TMEM259: variants seen among roughly 807,000 people sequenced by gnomAD.
The protein encoded by TMEM259 is transmembrane protein 259, also known as membralin.
TMEM259 carries 26 observed loss-of-function variants against 46.7 expected under a neutral mutation model. The ratio of observed to expected loss-of-function variants is 0.56; its 90% confidence interval spans 0.41 to 0.77. The LOEUF is 0.77. Among genes scored for constraint, TMEM259 ranks in the 30% least tolerant of loss-of-function variants. The pLI is 0.00. For missense variants in TMEM259, 930 were observed against 900.5 expected (o/e 1.03, Z -0.42); for synonymous variants, 494 against 395.1 (o/e 1.25, Z -2.97).
Position 1,010,857 on chromosome 19 carries a change from A to T in TMEM259, c.1356T>A (p.Pro452=). ...MIYFFHHYEL[P]AILQQVRIQE... ...GGATGCGGACCTGCTGCAGGATGGC[A>T]GGCAGCTCGTAGTGGTGGAAGAAGT... The change falls in exon 11 of 11, where the codon CCT becomes CCA. Residue 452 remains proline (P), a synonymous_variant. Transcript: ENST00000356663. 6.3e-7 allele frequency: 1 copy of T among 1,578,894 alleles called. No individual in the cohort carries two copies.
rs942215502 is a variant in TMEM259, at chr19:1,011,392, T to C, written c.1192A>G (p.Ser398Gly). 1.1e-5 allele frequency: 18 copies of C among 1,568,994 alleles called. No individual in the cohort carries two copies. The highest frequency in any genetic ancestry group is 2.3e-5 in the South Asian group (2 of 85,822). ...DQYDAICCHT[S>G]TSKRHWLRFF... is the part of the protein sequence containing the mutation. ...CGCAGCCAATGCCGCTTGCTGGTGCTGGTGTGGCAGCAGATGGCGTCATAC... is the reference window on the plus strand; with the variant it reads ...CGCAGCCAATGCCGCTTGCTGGTGCCGGTGTGGCAGCAGATGGCGTCATAC... The change falls in exon 9 of 11, where the codon AGC becomes GGC. Residue 398 changes from serine (S) to glycine (G), a missense_variant. Ser to Gly is a moderately conservative substitution (Grantham distance 56). Coordinates refer to ENST00000356663, the MANE Select transcript of TMEM259 (RefSeq NM_001033026.2).
At position 1,010,732 on chromosome 19, in the gene TMEM259, T is replaced by G; in HGVS notation, c.1481A>C (p.Asp494Ala). ...NNSGAPATAP[D>A]SAGQPPALGP... ...CAGGGCGGGGGGCTGGCCGGCAGAG[T>G]CAGGGGCTGTAGCCGGGGCGCCCGA... Residue 494 changes from aspartate to alanine, a missense_variant, in exon 11 of 11, where the codon GAC (aspartate) becomes GCC (alanine). Coordinates refer to ENST00000356663, the MANE Select transcript of TMEM259 (RefSeq NM_001033026.2). 6.5e-7 allele frequency: 1 copy of G among 1,531,072 alleles called. No individual in the cohort carries two copies. The highest frequency in any genetic ancestry group is 1.2e-5 in the South Asian group (1 of 83,858). 94.8% of individuals were successfully genotyped at this position (1,531,072 alleles called of 1,614,324 possible).
At chr19:1,014,135 C>T (rs1370377737) in intron 2 of TMEM259, 57 bp downstream of exon 2, 15 of 1,558,810 alleles carry the variant, frequency 9.6e-6, no homozygotes, top group East Asian at 4.5e-5. Context: ...GCCCCTTCAG[C>T]GACCAGCATC....
rs765547161 is a variant in TMEM259, at chr19:1,014,497, G to T, written c.226-24C>A. 9 of 1,596,488 alleles carry T rather than the reference G, an allele frequency of 5.6e-6. No homozygotes were observed. The African/African-American group carries it at 1.2e-4, about 21-fold the overall frequency. ...GCCTAGGGGGCGGCCGGCAGTCAGT[G>T]GGGCGCCCCAGGGCCAGCTGCAGCC... On this transcript the variant is annotated intron_variant, in intron 1 of 10. Transcript: ENST00000356663.
At position 1,011,099 on chromosome 19, in the gene TMEM259, G is replaced by T; in HGVS notation, c.1314C>A (p.Ile438=). Residue 438 remains isoleucine (I), a synonymous_variant, in exon 10 of 11, where the codon ATC becomes ATA. Transcript: ENST00000356663. ...CTGCTTGCCGCCCAGGCCTCACCTG[G>T]ATGAAGAGCCAGGAGGTGACCAGGG... ...SLALVTSWLF[I]QHSMIYFFHH... 6.3e-7 allele frequency: 1 copy of T among 1,589,432 alleles called. No homozygotes were observed. The highest frequency in any genetic ancestry group is 8.6e-7 in the Non-Finnish European group (1 of 1,168,030).
Position 1,013,339 on chromosome 19 carries a change from A to G in TMEM259, c.509T>C (p.Phe170Ser). 6.2e-7 allele frequency: 1 copy of G among 1,613,240 alleles called. No homozygotes were observed. Among genetic ancestry groups the G allele is most frequent in the Non-Finnish European group, 8.5e-7 (1 of 1,179,528 alleles). Reference protein sequence around the residue: ...MEMFGNSSIKFELDIEPKVFK... With the variant: ...MEMFGNSSIKSELDIEPKVFK... ...CACCTTGGGCTCGATGTCCAGCTCAAACTGTGGGCGACCAGGGACCTGGGT... is the reference window on the plus strand; with the variant it reads ...CACCTTGGGCTCGATGTCCAGCTCAGACTGTGGGCGACCAGGGACCTGGGT... Residue 170 changes from phenylalanine (F) to serine (S), a missense_variant and splice_region_variant, in exon 3 of 11, where the codon TTT becomes TCT. Coordinates refer to ENST00000356663, the MANE Select transcript of TMEM259 (RefSeq NM_001033026.2).
chr19:1,010,990 C>T, intron 10 of TMEM259, 95 bp from the exon 11 acceptor site: 1 of 1,546,106 alleles, frequency 6.5e-7, no homozygotes, highest in South Asian at 1.2e-5. Context: ...ATCCACGCTA[C>T]CTCTGCCCGC....
Position 1,009,952 on chromosome 19 carries a change from G to T in TMEM259, c.*398C>A, listed in dbSNP as rs1180537580. 2 of 321,222 alleles carry T rather than the reference G, an allele frequency of 6.2e-6. No individual in the cohort carries two copies. The highest frequency in any genetic ancestry group is 1.1e-5 in the Non-Finnish European group (2 of 175,942). The allele number at this position is 321,222 out of a possible 1,614,324, so 19.9% of individuals were successfully genotyped here. The stretch of plus-strand genomic sequence containing the variant: ...CTGCAGGGAGCACCAGGCAGAGCCG[G>T]GCTGAGGCCGGCCGGCACTAGGGCG... On this transcript the variant is annotated 3_prime_UTR_variant, in exon 11 of 11. Coordinates refer to ENST00000356663, the MANE Select transcript of TMEM259 (RefSeq NM_001033026.2).
chr19:1,011,724 G>A lies in TMEM259; in HGVS notation c.1000+17C>T, dbSNP rs778046371. The stretch of plus-strand genomic sequence containing the variant: ...CTGGAGGACGCCCGCCCCGCCCTGC[G>A]CCGGCGGGACACTCACCGATGAAGA... On this transcript the variant is annotated intron_variant, in intron 7 of 10. Transcript: ENST00000356663. 25 of 1,537,492 alleles carry A rather than the reference G, an allele frequency of 1.6e-5. No homozygotes were observed. The highest frequency in any genetic ancestry group is 1.5e-4 in the East Asian group (6 of 40,660).
In TMEM259 at chr19:1,011,917, G is replaced by C. The variant is rs762266839; in HGVS notation, c.917C>G (p.Ala306Gly). The C allele has an allele frequency of 6.2e-7, 1 of 1,610,742 alleles. No homozygotes were observed. Among genetic ancestry groups the C allele is most frequent in the Non-Finnish European group, 8.5e-7 (1 of 1,178,608 alleles). ...SMWMARTSYL[A>G]AFAIMVIFTL... The stretch of plus-strand genomic sequence containing the variant: ...GAAGATGACCATGATGGCGAAGGCG[G>C]CCAGGTAGGACGTCCGCGCCATCCA... Residue 306 changes from alanine (A) to glycine (G), a missense_variant, in exon 6 of 11, where the codon GCC (alanine) becomes GGC (glycine). By Grantham distance (60) the Ala-to-Gly change is moderately conservative. Coordinates refer to ENST00000356663, the MANE Select transcript of TMEM259 (RefSeq NM_001033026.2).
intron 10 of TMEM259, 67 bp downstream of exon 10, chr19:1,011,029 C>T (rs911256519): frequency 1.6e-5 from 25 of 1,549,514 alleles, no homozygotes; most frequent in African/African-American, 6.8e-5. Flanking sequence ...GCATCCTCCC[C>T]GGCTGCAGCC....
At chr19:1,014,541 TGATGGGGC>T (rs2039045459) in intron 1 of TMEM259, 68 bp from the exon 2 acceptor site, 25 of 500,182 alleles carry the variant, frequency 5.0e-5, no homozygotes, top group Admixed American at 3.3e-4. Context: ...AGGGCCTACG[TGATGGGGC>T]GTGATGGGGC....
chr19:1,013,385 C>T (rs1204436885), intron 2 of TMEM259, 45 bp from the exon 3 acceptor site: 14 of 1,585,566 alleles, frequency 8.8e-6, no homozygotes, highest in Non-Finnish European at 1.1e-5. Flanking sequence ...CCAGCCCGGG[C>T]TGTGAGGGCC....
chr19:1,010,461 G>A lies in TMEM259; in HGVS notation c.1752C>T (p.Val584=), dbSNP rs1487606549. The A allele has an allele frequency of 2.6e-6, 4 of 1,540,362 alleles. No homozygotes were observed. Among genetic ancestry groups the A allele is most frequent in the Non-Finnish European group, 2.6e-6 (3 of 1,143,404 alleles). The part of the protein sequence containing the change: ...GGLPHAPQDS[V]PPSDSAASDT... ...CAGAAGCTGCGGAGTCACTCGGGGG[G>A]ACACTGTCCTGGGGGGCGTGGGGGA... The change falls in exon 11 of 11, where the codon GTC becomes GTT. Residue 584 remains valine (V), a synonymous_variant. Coordinates refer to ENST00000356663, the MANE Select transcript of TMEM259 (RefSeq NM_001033026.2).
At position 1,011,785 on chromosome 19, in the gene TMEM259, G is replaced by C. The variant is rs1487184377; in HGVS notation, c.956C>G (p.Ser319Cys). 6.4e-7 allele frequency: 1 copy of C among 1,572,430 alleles called. No individual in the cohort carries two copies. The change falls in exon 7 of 11, where the codon TCC (serine) becomes TGC (cysteine). Residue 319 changes from serine (S) to cysteine (C), a missense_variant. Transcript: ENST00000356663. Reference protein sequence around the residue: ...AIMVIFTLSVSMLLRYSHHQI... With the variant: ...AIMVIFTLSVCMLLRYSHHQI... ...GTGGTGTGAGTACCGCAGCAGCATG[G>C]ACACGCTCAGCGTCTGCAAGGGGCG...
At position 1,021,012 on chromosome 19, in the gene TMEM259, G is replaced by C; in HGVS notation, c.-16C>G. Reference sequence around the variant, plus strand: ...GCTCCGACATGCCTCCCAGCGTCGCGCCCTAACGACCCGCAAGTGTCCGAG... The same window carrying C: ...GCTCCGACATGCCTCCCAGCGTCGCCCCCTAACGACCCGCAAGTGTCCGAG... On this transcript the variant is annotated 5_prime_UTR_variant, in exon 1 of 11. Coordinates refer to ENST00000356663, the MANE Select transcript of TMEM259 (RefSeq NM_001033026.2). 1 of 1,356,146 alleles carries C rather than the reference G, an allele frequency of 7.4e-7. No individual in the cohort carries two copies. The highest frequency in any genetic ancestry group is 9.6e-7 in the Non-Finnish European group (1 of 1,043,454). The allele number at this position is 1,356,146 out of a possible 1,614,324, so 84.0% of individuals were successfully genotyped here. A position where few individuals can be genotyped will look rare whatever the true frequency, so the allele number is the denominator to read the frequency against.
In TMEM259 at chr19:1,011,470, T is replaced by G; in HGVS notation, c.1114A>C (p.Asn372His). 1.3e-6 allele frequency: 2 copies of G among 1,551,064 alleles called. No individual in the cohort carries two copies. Among genetic ancestry groups the G allele is most frequent in the Non-Finnish European group, 1.7e-6 (2 of 1,148,790 alleles). The change falls in exon 9 of 11, where the codon AAC becomes CAC. Residue 372 changes from asparagine (N) to histidine (H), a missense_variant. Transcript: ENST00000356663. ...GMEAIMSEFF[N>H]DTTTAFYIIL... is the part of the protein sequence containing the mutation. The stretch of plus-strand genomic sequence containing the variant: ...ATGTAGAAGGCGGTGGTGGTGTCGT[T>G]GAAGAACTCCGACATGATGGCCTCC...
chr19:1,011,707 C>T (rs751170735), intron 7 of TMEM259, 34 bp downstream of exon 7: 30 of 1,525,882 alleles, frequency 2.0e-5, no homozygotes, highest in Admixed American at 6.4e-5. Context: ...GCCTGGAGGA[C>T]GCCCGCCCCG....
intron 1 of TMEM259, among the ~76,000 whole-genome samples, chr19:1,014,846 ACCCCC>A (rs2039057650): frequency 6.6e-6 from 1 of 151,904 alleles, no homozygotes; most frequent in Non-Finnish European, 1.5e-5. Context: ...TGCACACAGG[ACCCCC>A]CAAACCTGGG....
Sources: gnomAD v4.1 joint callset for allele counts (sites outside exome capture counted in the v4.1 genomes callset) on GRCh38, gnomAD v4.1.1 for gene constraint, MANE v1.5 for transcripts, NCBI Gene and HGNC (gene_info 2026-07-23, HGNC 2026-07-21) for gene names.